Variants in SNTG2 observed in about 807,000 individuals in gnomAD.
The protein encoded by SNTG2 is syntrophin gamma 2.
Under a neutral mutation model 70.9 loss-of-function variants are expected in SNTG2, and 74 were observed. That is an observed-to-expected ratio of 1.04 (90% confidence interval 0.86 to 1.27). The LOEUF is 1.27. Ranked by LOEUF, SNTG2 falls within the 50% of genes most tolerant of loss-of-function variation. The probability of loss-of-function intolerance (pLI) is 0.00; values close to 1 mark genes in which losing one functional copy is unlikely to be tolerated. For synonymous variants in SNTG2, 278 were observed against 273.8 expected, an observed-to-expected ratio of 1.02 and a Z score of -0.15; for missense variants, 717 against 690.7, an observed-to-expected ratio of 1.04 and a Z score of -0.43.
intron 16 of SNTG2, among the ~76,000 whole-genome samples, chr2:1,356,685 AT>A (rs1191861656): frequency 6.6e-6 from 1 of 151,962 alleles, no homozygotes; most frequent in Non-Finnish European, 1.5e-5. Flanking sequence ...AAATTTTAGG[AT>A]TTTTTCTATG....
chr2:1,137,782 T>C lies in SNTG2; in HGVS notation c.384T>C (p.His128=), dbSNP rs373850840. ...GDAVLQVNGI[H]VENATHEEVV... is the part of the protein sequence containing the mutation. Reference sequence around the variant, plus strand: ...CATCTGTTCAGGTTAATGGCATACATGTAGAAAATGCAACTCATGAAGAAG... The same window carrying C: ...CATCTGTTCAGGTTAATGGCATACACGTAGAAAATGCAACTCATGAAGAAG... Residue 128 remains histidine, a synonymous_variant, in exon 6 of 17, where the codon CAT becomes CAC. Transcript: ENST00000308624. 6.2e-7 allele frequency: 1 copy of C among 1,613,396 alleles called. No individual in the cohort carries two copies. The highest frequency in any genetic ancestry group is 8.5e-7 in the Non-Finnish European group (1 of 1,179,712).
At chr2:1,067,081 TG>T (rs1351495359) in intron 1 of SNTG2, among the ~76,000 whole-genome samples, 1 of 152,150 alleles carries the variant, frequency 6.6e-6, no homozygotes, top group Non-Finnish European at 1.5e-5. Context: ...ATTTGCTTTT[TG>T]TCTCACATCA....
chr2:1,332,343 G>C (rs899480480), intron 16 of SNTG2, among the ~76,000 whole-genome samples: 1 of 152,128 alleles, frequency 6.6e-6, no homozygotes, highest in African/African-American at 2.4e-5. Context: ...AATTCTATCA[G>C]ACATTCAAAG....
intron 14 of SNTG2, among the ~76,000 whole-genome samples, chr2:1,281,283 GTGTT>G (rs1679512821): frequency 1.9e-5 from 2 of 105,836 alleles, no homozygotes; most frequent in Non-Finnish European, 3.8e-5. Flanking sequence ...TGTGTATTTG[GTGTT>G]TATGGTGTAT....
intron 2 of SNTG2, among the ~76,000 whole-genome samples, chr2:1,096,720 T>C (rs1665415627): frequency 6.6e-6 from 1 of 152,234 alleles, no homozygotes; most frequent in African/African-American, 2.4e-5. Context: ...TTCTCGCATC[T>C]ACTGGTGGAC....
At chr2:1,215,638 T>C (rs573801866) in intron 9 of SNTG2, among the ~76,000 whole-genome samples, 5 of 152,146 alleles carry the variant, frequency 3.3e-5, no homozygotes, top group African/African-American at 9.6e-5. Flanking sequence ...ATGTGCCATG[T>C]TGGTGTGCTG....
chr2:1,127,880 C>T (rs1442124418), intron 4 of SNTG2, among the ~76,000 whole-genome samples: 1 of 152,104 alleles, frequency 6.6e-6, no homozygotes. Context: ...TTTTTCTATA[C>T]AAGATCATGT....
intron 8 of SNTG2, among the ~76,000 whole-genome samples, chr2:1,176,759 C>T (rs6742710): frequency 0.32 from 47,864 of 151,762 alleles, 8,117 homozygotes; most frequent in East Asian, 0.66. Context: ...TCACTGATCC[C>T]CAGAGAAATG....
chr2:1,301,427 T>A (rs961405518), intron 14 of SNTG2, among the ~76,000 whole-genome samples: 2 of 152,126 alleles, frequency 1.3e-5, no homozygotes, highest in East Asian at 3.9e-4. Flanking sequence ...ACTCAAAAAA[T>A]ATTATGGCCT....
At chr2:1,183,155 A>G (rs1200730323) in intron 8 of SNTG2, among the ~76,000 whole-genome samples, 1 of 152,192 alleles carries the variant, frequency 6.6e-6, no homozygotes, top group Non-Finnish European at 1.5e-5. Flanking sequence ...TGTTTGCTCA[A>G]TATTATGACA....
At chr2:1,306,672 C>T (rs934885393) in intron 14 of SNTG2, among the ~76,000 whole-genome samples, 1 of 118,124 alleles carries the variant, frequency 8.5e-6, no homozygotes, top group Non-Finnish European at 1.8e-5. Context: ...CAGCCTCCCT[C>T]GGCCAGGGTG....
intron 4 of SNTG2, among the ~76,000 whole-genome samples, chr2:1,105,814 C>G (rs1249569558): frequency 2.0e-5 from 3 of 152,166 alleles, no homozygotes; most frequent in African/African-American, 7.2e-5. Flanking sequence ...CCACATTTGT[C>G]TCCTCCCTGC....
intron 1 of SNTG2, among the ~76,000 whole-genome samples, chr2:1,072,993 G>A (rs1282701484): frequency 6.6e-6 from 1 of 152,314 alleles, no homozygotes; most frequent in Admixed American, 6.5e-5. Context: ...CTGAATTGCT[G>A]CAATCTTATT....
chr2:1,320,195 T>C (rs774793403), intron 16 of SNTG2, among the ~76,000 whole-genome samples: 2 of 152,018 alleles, frequency 1.3e-5, no homozygotes, highest in Admixed American at 6.6e-5. Context: ...GTTCTGGGGC[T>C]TGGGGAGCAG....
chr2:1,146,450 A>G (rs1669114714), intron 6 of SNTG2, among the ~76,000 whole-genome samples: 2 of 152,236 alleles, frequency 1.3e-5, no homozygotes, highest in Admixed American at 6.5e-5. Flanking sequence ...GGGAGACTCA[A>G]TATTGTTAAG....
At chr2:1,287,148 C>A (rs924427186) in intron 14 of SNTG2, among the ~76,000 whole-genome samples, 7 of 152,194 alleles carry the variant, frequency 4.6e-5, no homozygotes, top group East Asian at 1.9e-4. Context: ...AGCTGAGTCA[C>A]CTGCCCCTCA....
chr2:1,333,702 C>T (rs1389798148), intron 16 of SNTG2, among the ~76,000 whole-genome samples: 2 of 152,078 alleles, frequency 1.3e-5, no homozygotes, highest in African/African-American at 2.4e-5. Context: ...GAACTCTATT[C>T]AATATATGGG....
At chr2:1,152,832 G>A (rs964299678) in intron 6 of SNTG2, among the ~76,000 whole-genome samples, 1 of 152,110 alleles carries the variant, frequency 6.6e-6, no homozygotes, top group Non-Finnish European at 1.5e-5. Flanking sequence ...TCTATAAAAT[G>A]CCTTCACAAG....
chr2:1,286,608 T>G (rs1279659117), intron 14 of SNTG2, among the ~76,000 whole-genome samples: 1 of 152,198 alleles, frequency 6.6e-6, no homozygotes, highest in African/African-American at 2.4e-5. Context: ...GCAGAAGCAT[T>G]GCATGCAGGA....
Sources: allele counts gnomAD v4.1 joint callset (sites outside exome capture counted in the v4.1 genomes callset), GRCh38; gene constraint gnomAD v4.1.1; transcripts MANE v1.5; gene names NCBI Gene and HGNC (gene_info 2026-07-23, HGNC 2026-07-21).